The following PDE8B variants were observed in gnomAD, a reference collection of about 807,000 sequenced individuals.
The protein encoded by PDE8B is phosphodiesterase 8B.
A neutral mutation model predicts 101.3 loss-of-function variants in PDE8B; 26 were observed. The observed-to-expected ratio is 0.26, with a 90% CI of 0.19 to 0.36. The LOEUF (loss-of-function observed/expected upper bound fraction) is 0.36, where lower values mean the gene tolerates loss of function less well. Among genes scored for constraint, PDE8B ranks in the 10% least tolerant of loss-of-function variants. The pLI, the probability that PDE8B is intolerant of heterozygous loss-of-function variation, is 1.00. For synonymous variants in PDE8B, 424 were observed against 429.3 expected (o/e 0.99, Z 0.15); for missense variants, 810 against 1,163.1 (o/e 0.70, Z 4.42).
chr5:77,254,641 G>A (rs1371415342), intron 1 of PDE8B, among the ~76,000 whole-genome samples: 1 of 151,964 alleles, frequency 6.6e-6, no homozygotes, highest in Non-Finnish European at 1.5e-5. Context: ...GTGAAATACA[G>A]TTGAACAATG....
At chr5:77,115,442 A>T in the PDE8B span, 2 of 152,256 alleles carry the variant, frequency 1.3e-5, no homozygotes, top group South Asian at 4.1e-4. Context: ...ATAGAAAGGA[A>T]TATAAGGCAG....
chr5:77,240,378 C>T (rs1286184172), intron 1 of PDE8B, among the ~76,000 whole-genome samples: 1 of 152,168 alleles, frequency 6.6e-6, no homozygotes, highest in Non-Finnish European at 1.5e-5. Context: ...TGGTCTTGAT[C>T]TCCTGACCTC....
At chr5:77,404,995 G>T (rs187630425) in intron 12 of PDE8B, among the ~76,000 whole-genome samples, 198 bp downstream of exon 12, 3 of 151,702 alleles carry the variant, frequency 2.0e-5, no homozygotes, top group East Asian at 4.0e-4. Flanking sequence ...AGTCTTTGTC[G>T]TCTCTTTGGA....
the PDE8B span, among the ~76,000 whole-genome samples, chr5:77,142,466 A>G: frequency 1.3e-5 from 2 of 152,182 alleles, no homozygotes; most frequent in East Asian, 3.8e-4. Flanking sequence ...TTTTTTGCTT[A>G]AACAATTTGT....
chr5:77,199,706 G>A, the PDE8B span, among the ~76,000 whole-genome samples: 15 of 152,164 alleles, frequency 9.9e-5, no homozygotes, highest in South Asian at 3.1e-3. Flanking sequence ...AAGCCAGGTG[G>A]GTGTTCAGGT....
the PDE8B span, among the ~76,000 whole-genome samples, chr5:77,128,301 T>C: frequency 6.6e-6 from 1 of 152,200 alleles, no homozygotes; most frequent in East Asian, 1.9e-4. Context: ...TCTCTTACAG[T>C]GACCGTCCTG....
chr5:77,279,073 A>G (rs147624549), intron 1 of PDE8B, among the ~76,000 whole-genome samples: 10 of 152,300 alleles, frequency 6.6e-5, no homozygotes, highest in African/African-American at 1.9e-4. Context: ...CTACAATTAC[A>G]TCTTTATATC....
Position 77,211,138 on chromosome 5 carries a change from C to A in PDE8B, c.213C>A (p.Arg71=). 1 of 1,523,980 alleles carries A rather than the reference C, an allele frequency of 6.6e-7. No individual in the cohort carries two copies. The highest frequency in any genetic ancestry group is 8.8e-7 in the Non-Finnish European group (1 of 1,142,340). The allele number at this position is 1,523,980 out of a possible 1,614,324, so 94.4% of individuals were successfully genotyped here. A position where few individuals can be genotyped will look rare whatever the true frequency, so the allele number is the denominator to read the frequency against. ...GCGTAGCCCGCGTCCGCAGGGCCCG[C>A]ACCGAGCTGGGCAGCGGTAGCAGCG... The part of the protein sequence containing the change: ...PPSVARVRRA[R]TELGSGSSAG... The change falls in exon 1 of 22, where the codon CGC becomes CGA. Residue 71 remains arginine (R), a synonymous_variant. Transcript: ENST00000264917. The surrounding 1 kb of genome is among the most constrained non-coding windows in gnomAD (Gnocchi z 4.1).
intron 1 of PDE8B, among the ~76,000 whole-genome samples, chr5:77,240,931 G>A (rs940995354): frequency 1.3e-5 from 2 of 152,154 alleles, no homozygotes; most frequent in East Asian, 1.9e-4. Flanking sequence ...TCCTAAATAA[G>A]CATGTTTACA....
intron 2 of PDE8B, among the ~76,000 whole-genome samples, chr5:77,318,145 A>T (rs573388939): frequency 6.6e-5 from 10 of 151,746 alleles, no homozygotes; most frequent in African/African-American, 2.4e-4. Flanking sequence ...TGGAACCATT[A>T]TATTTTGGGG....
chr5:77,400,121 T>G, intron 10 of PDE8B, 127 bp from the exon 11 acceptor site: 1 of 724,400 alleles, frequency 1.4e-6, no homozygotes, highest in Non-Finnish European at 2.5e-6. Context: ...CTGTTCATAT[T>G]ATATGTGCAG....
At chr5:77,235,069 C>T (rs1754393977) in intron 1 of PDE8B, among the ~76,000 whole-genome samples, 1 of 152,190 alleles carries the variant, frequency 6.6e-6, no homozygotes, top group African/African-American at 2.4e-5. Flanking sequence ...TCATGGCCGT[C>T]ATCTCACAGA....
At chr5:77,378,053 CT>C (rs1474034741) in intron 10 of PDE8B, among the ~76,000 whole-genome samples, 1 of 150,620 alleles carries the variant, frequency 6.6e-6, no homozygotes, top group African/African-American at 2.5e-5. Context: ...CACACACCCC[CT>C]GTTGGTTCTT....
intron 10 of PDE8B, among the ~76,000 whole-genome samples, chr5:77,386,063 A>G (rs914696839): frequency 2.0e-5 from 3 of 152,248 alleles, no homozygotes; most frequent in Admixed American, 2.0e-4. Flanking sequence ...CTGGGATTAC[A>G]GGCATGAGCC....
intron 10 of PDE8B, among the ~76,000 whole-genome samples, chr5:77,378,475 A>T (rs1350182525): frequency 6.8e-6 from 1 of 147,150 alleles, no homozygotes; most frequent in East Asian, 1.9e-4. Flanking sequence ...AAAAAAAAAA[A>T]AAAAAAAAAG....
intron 17 of PDE8B, among the ~76,000 whole-genome samples, chr5:77,415,104 G>T (rs1053658921): frequency 6.6e-6 from 1 of 152,128 alleles, no homozygotes; most frequent in Admixed American, 6.5e-5. Flanking sequence ...GGCAGCCCCT[G>T]CCAGAGAACC....
At chr5:77,362,068 T>G (rs1350171460) in intron 10 of PDE8B, among the ~76,000 whole-genome samples, 1 of 152,248 alleles carries the variant, frequency 6.6e-6, no homozygotes, top group Non-Finnish European at 1.5e-5. Context: ...AAGGGCCAGA[T>G]AGTAAACATT....
intron 2 of PDE8B, among the ~76,000 whole-genome samples, chr5:77,323,145 C>T (rs1165555303): frequency 6.6e-6 from 1 of 152,198 alleles, no homozygotes; most frequent in Admixed American, 6.5e-5. Context: ...ACTTTTTGCA[C>T]CAACCAGTTT....
At chr5:77,166,890 C>G in the PDE8B span, 52 of 152,298 alleles carry the variant, frequency 3.4e-4, no homozygotes, top group African/African-American at 1.2e-3. Flanking sequence ...CTGTATTAAA[C>G]TTATCTACTG....
Sources: allele counts gnomAD v4.1 joint callset (sites outside exome capture counted in the v4.1 genomes callset), GRCh38; gene constraint gnomAD v4.1.1; non-coding constraint Gnocchi (gnomAD v3.1); transcripts MANE v1.5; gene names NCBI Gene and HGNC (gene_info 2026-07-23, HGNC 2026-07-21).